The following ZCWPW2 variants were observed in gnomAD, a reference collection of about 807,000 sequenced individuals.
ZCWPW2 encodes zinc finger CW-type PWWP domain protein 2.
In ZCWPW2, 45 loss-of-function variants were observed where a neutral mutation model predicts 46.6. The ratio of observed to expected loss-of-function variants is 0.96; its 90% CI spans 0.76 to 1.24. The LOEUF (loss-of-function observed/expected upper bound fraction) is 1.24. Ranked by LOEUF, ZCWPW2 falls within the 50% of genes most tolerant of loss-of-function variation. The pLI, the probability that ZCWPW2 is intolerant of heterozygous loss-of-function variation, is 0.00. For missense variants in ZCWPW2, 429 were observed against 403.9 expected, an observed-to-expected ratio of 1.06 and a Z score of -0.53; for synonymous variants, 152 against 137.1, an observed-to-expected ratio of 1.11 and a Z score of -0.76.
intron 1 of ZCWPW2, among the ~76,000 whole-genome samples, chr3:28,359,974 A>G (rs544865096): frequency 4.7e-4 from 72 of 152,308 alleles, no homozygotes; most frequent in African/African-American, 1.7e-3. Flanking sequence ...TGCTAACAGG[A>G]TGATATGTTT....
At chr3:28,377,190 CAT>C (rs760205839) in intron 1 of ZCWPW2, among the ~76,000 whole-genome samples, 4 of 151,908 alleles carry the variant, frequency 2.6e-5, no homozygotes, top group Non-Finnish European at 4.4e-5. Flanking sequence ...TCTGCAGATT[CAT>C]ATGTCATGCA....
At chr3:28,462,439 G>C (rs1009904652) in intron 4 of ZCWPW2, among the ~76,000 whole-genome samples, 3 of 152,134 alleles carry the variant, frequency 2.0e-5, no homozygotes, top group Non-Finnish European at 4.4e-5. Context: ...GCAGTGATCT[G>C]CCCTCATTTT....
In ZCWPW2 at chr3:28,441,228, A is replaced by G. The variant is rs1052874771; in HGVS notation, c.492+5959A>G. Among the ~76,000 whole-genome samples, 165 of 152,162 alleles carry G rather than the reference A, an allele frequency of 1.1e-3. 1 individual carries two copies. Among genetic ancestry groups the G allele is most frequent in the African/African-American group, 3.7e-3 (152 of 41,436 alleles). ...GTGAGCACTCACATGGGATACAAAT[A>G]TCTTCACCGTTTTTGACCACTCAGA... On this transcript the variant is annotated intron_variant, in intron 4 of 9. Coordinates refer to ENST00000383768, the MANE Select transcript of ZCWPW2 (RefSeq NM_001040432.4).
intron 1 of ZCWPW2, among the ~76,000 whole-genome samples, chr3:28,370,023 G>A (rs1197076996): frequency 6.6e-6 from 1 of 152,206 alleles, no homozygotes; most frequent in African/African-American, 2.4e-5. Flanking sequence ...GCATTAGGGT[G>A]GGAGTGACCT....
intron 4 of ZCWPW2, among the ~76,000 whole-genome samples, chr3:28,472,567 A>C (rs996190191): frequency 2.6e-5 from 4 of 152,184 alleles, no homozygotes; most frequent in Non-Finnish European, 5.9e-5. Flanking sequence ...AATGAAAATC[A>C]AATAAAAATG....
intron 4 of ZCWPW2, chr3:28,447,937 A>C: frequency 1.3e-6 from 1 of 756,174 alleles, no homozygotes; most frequent in East Asian, 2.9e-5. Flanking sequence ...CAAAACAAAA[A>C]AACATGTCAG....
chr3:28,353,964 T>C (rs144815694), intron 1 of ZCWPW2, among the ~76,000 whole-genome samples: 2 of 152,296 alleles, frequency 1.3e-5, no homozygotes, highest in East Asian at 1.9e-4. Context: ...CTTTTGCTAA[T>C]TGAGATATGA....
chr3:28,376,488 C>T (rs913617605), intron 1 of ZCWPW2, among the ~76,000 whole-genome samples: 5 of 152,076 alleles, frequency 3.3e-5, no homozygotes, highest in African/African-American at 1.2e-4. Context: ...ACTTACAGTA[C>T]TAGAGTTCGC....
chr3:28,424,607 A>T (rs1696931762), intron 3 of ZCWPW2, among the ~76,000 whole-genome samples: 1 of 152,152 alleles, frequency 6.6e-6, no homozygotes, highest in Non-Finnish European at 1.5e-5. Flanking sequence ...CAATGTATTG[A>T]TCTTATATGT....
intron 1 of ZCWPW2, among the ~76,000 whole-genome samples, chr3:28,383,572 T>C (rs1246424701): frequency 6.6e-6 from 1 of 151,288 alleles, no homozygotes; most frequent in Non-Finnish European, 1.5e-5. Flanking sequence ...TTTTCTACTT[T>C]ATAAGTAAAA....
rs778398876 is a variant in ZCWPW2, at chr3:28,515,617, C to A, written c.780C>A (p.Asn260Lys). Reference protein sequence around the residue: ...VYSDDALSKENRVVCETEVLL... With the variant: ...VYSDDALSKEKRVVCETEVLL... ...CTGATGATGCCTTATCAAAGGAGAACAGGGGTATGTGAAAGCCTGTCCTGC... is the reference window on the plus strand; with the variant it reads ...CTGATGATGCCTTATCAAAGGAGAAAAGGGGTATGTGAAAGCCTGTCCTGC... Residue 260 changes from asparagine to lysine, a missense_variant, in exon 8 of 10, where the codon AAC becomes AAA. Asn to Lys is a moderately conservative substitution (Grantham distance 94). Transcript: ENST00000383768. The A allele has an allele frequency of 7.5e-6, 12 of 1,602,630 alleles. No individual in the cohort carries two copies. In the African/African-American group the frequency reaches 1.8e-4, roughly 24 times the overall value.
chr3:28,451,596 C>T (rs556812462), intron 4 of ZCWPW2, among the ~76,000 whole-genome samples: 2 of 152,316 alleles, frequency 1.3e-5, no homozygotes, highest in Admixed American at 6.5e-5. Context: ...CCAAGAAGAA[C>T]AGGCAGAATT....
At chr3:28,484,171 T>G (rs866959521) in intron 5 of ZCWPW2, among the ~76,000 whole-genome samples, 3 of 146,956 alleles carry the variant, frequency 2.0e-5, no homozygotes, top group South Asian at 2.1e-4. Flanking sequence ...TTTCCTGAGG[T>G]TTTTTTTTTT....
Position 28,384,613 on chromosome 3 carries a change from TC to T in ZCWPW2, c.-133-5884del, listed in dbSNP as rs1297360936. Among the ~76,000 whole-genome samples, 62 of 148,894 alleles carry T rather than the reference TC, an allele frequency of 4.2e-4. 6 individuals carry two copies. Among genetic ancestry groups the T allele is most frequent in the African/African-American group, 7.4e-4 (30 of 40,312 alleles). On this transcript the variant is annotated intron_variant, in intron 1 of 9. Transcript: ENST00000383768. ...ACATTCAAGTTGACCAATCTTTCTT[TC>T]TTTTTTTTTTTTTTTTGAGACGGTG... is the stretch of plus-strand genomic sequence containing the variant.
intron 1 of ZCWPW2, among the ~76,000 whole-genome samples, chr3:28,383,904 G>A (rs943169713): frequency 6.6e-6 from 1 of 152,016 alleles, no homozygotes; most frequent in African/African-American, 2.4e-5. Context: ...AAATTGGATG[G>A]TATGGGTACC....
At chr3:28,377,167 C>G (rs1295154695) in intron 1 of ZCWPW2, among the ~76,000 whole-genome samples, 1 of 151,902 alleles carries the variant, frequency 6.6e-6, no homozygotes, top group African/African-American at 2.4e-5. Context: ...CTATCCTCAA[C>G]CTGTTGTTTT....
intron 4 of ZCWPW2, among the ~76,000 whole-genome samples, chr3:28,453,587 G>A (rs148843774): frequency 6.6e-6 from 1 of 151,914 alleles, no homozygotes; most frequent in African/African-American, 2.4e-5. Flanking sequence ...CATGAATCAG[G>A]TCATTGTTTT....
At chr3:28,378,353 C>A (rs1369579201) in intron 1 of ZCWPW2, among the ~76,000 whole-genome samples, 1 of 151,782 alleles carries the variant, frequency 6.6e-6, no homozygotes, top group Non-Finnish European at 1.5e-5. Context: ...TGCTCTCATT[C>A]TACTTTGGTT....
At chr3:28,352,453 C>T (rs1704588406) in intron 1 of ZCWPW2, among the ~76,000 whole-genome samples, 1 of 151,950 alleles carries the variant, frequency 6.6e-6, no homozygotes, top group Admixed American at 6.6e-5. Context: ...GCAGTTGTCC[C>T]TCTCTCACTG....
Sources: allele counts gnomAD v4.1 joint callset (sites outside exome capture counted in the v4.1 genomes callset), GRCh38; gene constraint gnomAD v4.1.1; transcripts MANE v1.5; gene names NCBI Gene and HGNC (gene_info 2026-07-23, HGNC 2026-07-21).